The following COG7 variants were observed in gnomAD, a reference collection of about 807,000 sequenced individuals.
COG7 encodes the protein conserved oligomeric Golgi complex subunit 7.
COG7 carries 49 observed loss-of-function variants against 91.5 expected under a neutral mutation model. The ratio of observed to expected loss-of-function variants is 0.54; its 90% confidence interval spans 0.43 to 0.68. The LOEUF (loss-of-function observed/expected upper bound fraction) is 0.68. COG7 is among the 30% of genes least tolerant of loss of function. The pLI, the probability that COG7 is intolerant of heterozygous loss-of-function variation, is 0.00. For missense variants in COG7, 895 were observed against 961.3 expected (o/e 0.93, Z 0.91); for synonymous variants, 365 against 388.7 (o/e 0.94, Z 0.72).
At chr16:23,419,394 A>G (rs1204591713) in intron 7 of COG7, among the ~76,000 whole-genome samples, 1 of 138,274 alleles carries the variant, frequency 7.2e-6, no homozygotes. Context: ...CTGGGCAACA[A>G]GAGCGAGACT....
Position 23,452,806 on chromosome 16 carries a change from C to T in COG7, c.169+20G>A, listed in dbSNP as rs1964286086. The stretch of plus-strand genomic sequence containing the variant: ...CGAGAGCAGGGGAGGGTCCCGCGGC[C>T]AGGGCCCCGAGCGGCTCACCCTCCA... On this transcript the variant is annotated intron_variant, in intron 1 of 16. Transcript: ENST00000307149. 4 of 1,604,748 alleles carry T rather than the reference C, an allele frequency of 2.5e-6. No individual in the cohort carries two copies. The highest frequency in any genetic ancestry group is 3.4e-6 in the Non-Finnish European group (4 of 1,176,556).
intron 10 of COG7, among the ~76,000 whole-genome samples, chr16:23,411,711 T>C (rs1596923912): frequency 1.3e-5 from 2 of 152,178 alleles, no homozygotes; most frequent in African/African-American, 4.8e-5. Flanking sequence ...CGGCCTTGGG[T>C]GGGTCTGGGT....
chr16:23,398,977 G>T (rs1475209240), intron 13 of COG7, among the ~76,000 whole-genome samples: 1 of 151,792 alleles, frequency 6.6e-6, no homozygotes, highest in Non-Finnish European at 1.5e-5. Context: ...CAAAAATCTC[G>T]CTTCTTACTT....
In COG7 at chr16:23,442,736, C is replaced by G. The variant is rs532289471; in HGVS notation, c.436-91G>C. 4.3e-6 allele frequency: 5 copies of G among 1,174,296 alleles called. No homozygotes were observed. The African/African-American group carries it at 6.0e-5, about 14-fold the overall frequency. The allele number at this position is 1,174,296 out of a possible 1,614,324, so 72.7% of individuals were successfully genotyped here. On this transcript the variant is annotated intron_variant, in intron 3 of 16. Coordinates refer to ENST00000307149, the MANE Select transcript of COG7 (RefSeq NM_153603.4). ...TAAAATACATGAAAAGGCAACTCAT[C>G]AAGTATGAAAATGGGGCTGGGCATC...
chr16:23,450,078 C>T (rs1460454598), intron 1 of COG7, among the ~76,000 whole-genome samples: 2 of 151,860 alleles, frequency 1.3e-5, no homozygotes, highest in East Asian at 3.9e-4. Flanking sequence ...GGGACTACAG[C>T]GCATGTCACC....
chr16:23,412,757 C>T (rs2142072163), intron 10 of COG7: 1 of 152,604 alleles, frequency 6.6e-6, no homozygotes, highest in East Asian at 1.9e-4. Flanking sequence ...AGGATCTCGG[C>T]TCACTTCAAC....
Position 23,442,515 on chromosome 16 carries a change from C to T in COG7, c.566G>A (p.Ser189Asn). The T allele has an allele frequency of 6.2e-7, 1 of 1,614,146 alleles. No individual in the cohort carries two copies. The change falls in exon 4 of 17, where the codon AGT becomes AAT. Residue 189 changes from serine to asparagine, a missense_variant. Coordinates refer to ENST00000307149, the MANE Select transcript of COG7 (RefSeq NM_153603.4). ...GGTGAATGCCGCTACAATCTGTGGA[C>T]TGGCTAGGGCCTCCAGCCTGTTCTT... The part of the protein sequence containing the change: ...ALKNRLEALA[S>N]PQIVAAFTSQ...
chr16:23,445,031 C>T lies in COG7; in HGVS notation c.435+17G>A. 1 of 1,581,214 alleles carries T rather than the reference C, an allele frequency of 6.3e-7. No homozygotes were observed. The highest frequency in any genetic ancestry group is 8.7e-7 in the Non-Finnish European group (1 of 1,149,932). On this transcript the variant is annotated intron_variant, in intron 3 of 16. Transcript: ENST00000307149. ...GCTTAAATACCTTTCATAACATCCC[C>T]TAAACAAGAAACCTACCTGAGTCTT...
intron 1 of COG7, among the ~76,000 whole-genome samples, chr16:23,448,244 C>T (rs932078602): frequency 5.3e-5 from 8 of 152,170 alleles, no homozygotes; most frequent in African/African-American, 1.9e-4. Flanking sequence ...AAAGGTCTTT[C>T]GCAGGCTGAT....
intron 7 of COG7, 79 bp downstream of exon 7, chr16:23,424,670 G>T: frequency 6.9e-7 from 1 of 1,459,198 alleles, no homozygotes; most frequent in Non-Finnish European, 9.6e-7. Flanking sequence ...ATCTGAAAAG[G>T]CAAACAAATC....
At chr16:23,445,507 G>A (rs1964166923) in intron 2 of COG7, among the ~76,000 whole-genome samples, 1 of 152,080 alleles carries the variant, frequency 6.6e-6, no homozygotes. Flanking sequence ...ACAAAAATCA[G>A]CCGGGCATGG....
At chr16:23,423,950 C>T (rs1186182459) in intron 7 of COG7, among the ~76,000 whole-genome samples, 1 of 152,220 alleles carries the variant, frequency 6.6e-6, no homozygotes. Flanking sequence ...TCTCTACAAC[C>T]ACCTGTAGTC....
intron 1 of COG7, among the ~76,000 whole-genome samples, chr16:23,451,700 C>T (rs1596963234): frequency 8.0e-6 from 1 of 125,016 alleles, no homozygotes; most frequent in East Asian, 2.3e-4. Flanking sequence ...GCTTGGGCAG[C>T]AGAATGAGGA....
intron 11 of COG7, among the ~76,000 whole-genome samples, chr16:23,406,825 G>A (rs1374528498): frequency 1.3e-5 from 2 of 152,196 alleles, no homozygotes; most frequent in African/African-American, 4.8e-5. Context: ...GTGCTACAGA[G>A]AGATCTATTG....
At chr16:23,398,199 T>C in intron 13 of COG7, 70 bp from the exon 14 acceptor site, 2 of 1,260,214 alleles carry the variant, frequency 1.6e-6, no homozygotes, top group East Asian at 2.3e-5. Flanking sequence ...CACCCAGAAA[T>C]ACACAAGAAG....
rs1237943030 is a variant in COG7 at position 23,408,903 on chromosome 16, A to AAAT, written c.1475+1391_1475+1392insATT. Among the ~76,000 whole-genome samples the AAAT allele has an allele frequency of 4.6e-5, 7 of 151,930 alleles. No individual in the cohort carries two copies. In the East Asian group the frequency reaches 1.2e-3, roughly 25 times the overall value. ...TGGGCCTCTCTGGGCTGCATTTTGCAGCCCAGAGAGGCTGAAAGCCTGGCT... is the reference window on the plus strand; with the variant it reads ...TGGGCCTCTCTGGGCTGCATTTTGCAAATGCCCAGAGAGGCTGAAAGCCTGGCT... On this transcript the variant is annotated intron_variant, in intron 11 of 16. Coordinates refer to ENST00000307149, the MANE Select transcript of COG7 (RefSeq NM_153603.4).
intron 9 of COG7, chr16:23,416,762 T>G (rs1480089353): frequency 3.2e-6 from 2 of 619,430 alleles, no homozygotes. Flanking sequence ...TTAAGTAACC[T>G]TCCCTAATGG....
chr16:23,432,772 T>G (rs1963954171), intron 6 of COG7, among the ~76,000 whole-genome samples: 1 of 152,144 alleles, frequency 6.6e-6, no homozygotes. Context: ...CCTTTAAAAT[T>G]ATCTCTTCCC....
At chr16:23,436,748 CT>C (rs1487068120) in intron 4 of COG7, among the ~76,000 whole-genome samples, 1 of 152,034 alleles carries the variant, frequency 6.6e-6, no homozygotes, top group Non-Finnish European at 1.5e-5. Context: ...AAAGTAAAAA[CT>C]GTTAGATAAA....
Sources: allele counts gnomAD v4.1 joint callset (sites outside exome capture counted in the v4.1 genomes callset), GRCh38; gene constraint gnomAD v4.1.1; transcripts MANE v1.5; gene names NCBI Gene and HGNC (gene_info 2026-07-23, HGNC 2026-07-21).